The following KAT2A variants were observed in gnomAD, a reference collection of about 807,000 sequenced individuals.
The protein encoded by KAT2A is lysine acetyltransferase 2A, also known as histone acetyltransferase KAT2A.
Under a neutral mutation model 95.2 loss-of-function variants are expected in KAT2A, and 42 were observed. The observed-to-expected ratio is 0.44, with a 90% CI of 0.34 to 0.57. KAT2A has a LOEUF of 0.57. KAT2A is among the 20% of genes least tolerant of loss of function. The probability of loss-of-function intolerance (pLI) is 0.01; values close to 1 mark genes in which losing one functional copy is unlikely to be tolerated. For synonymous variants in KAT2A, 449 were observed against 448.2 expected (o/e 1.00, Z -0.02); for missense variants, 784 against 1,126.3 (o/e 0.70, Z 4.35).
chr17:42,114,785 T>TCA lies in KAT2A; in HGVS notation c.2019+105_2019+106dup. On this transcript the variant is annotated intron_variant, in intron 13 of 17. Transcript: ENST00000225916. This position sits in a 1 kb window ranked among gnomAD's most constrained non-coding sequence, Gnocchi z 6.0. ...AAGATCCTGGCCTGCCCCTCCTCAC[T>TCA]CACACACATATATGCATGTAGACGT... The TCA allele has an allele frequency of 1.5e-6, 2 of 1,306,958 alleles. No individual in the cohort carries two copies. Among genetic ancestry groups the TCA allele is most frequent in the Non-Finnish European group, 1.1e-6 (1 of 918,050 alleles). 81.0% of individuals were successfully genotyped at this position (1,306,958 alleles called of 1,614,324 possible).
chr17:42,118,049 G>T (rs1300145823), intron 7 of KAT2A, 32 bp from the exon 8 acceptor site: 2 of 1,342,324 alleles, frequency 1.5e-6, no homozygotes, highest in African/African-American at 1.6e-5. Flanking sequence ...AGGGATGGGG[G>T]GCTGAAGCTG....
At chr17:42,115,344 C>G (rs2054241356) in intron 12 of KAT2A, among the ~76,000 whole-genome samples, 1 of 124,602 alleles carries the variant, frequency 8.0e-6, no homozygotes, top group Non-Finnish European at 1.7e-5. Flanking sequence ...GTTCCTCCAG[C>G]CTGCTCTTGG....
intron 11 of KAT2A, 74 bp downstream of exon 11, chr17:42,116,961 T>A: frequency 1.3e-6 from 2 of 1,568,724 alleles, no homozygotes; most frequent in Admixed American, 1.7e-5. Flanking sequence ...ATGCCACACA[T>A]CCTGCTGCTC....
rs2144035403 is a variant in KAT2A, at chr17:42,117,131, A to G, written c.1668T>C (p.Asp556=). Reference sequence around the variant, plus strand: ...AGCAGATGCCACCGATGACCCGCCCATCCTTGATCAAGGCCAGAGTCTTGT... The same window carrying G: ...AGCAGATGCCACCGATGACCCGCCCGTCCTTGATCAAGGCCAGAGTCTTGT... The part of the protein sequence containing the change: ...PKHKTLALIK[D]GRVIGGICFR... Residue 556 remains aspartate, a synonymous_variant, in exon 11 of 18, where the codon GAT becomes GAC. Transcript: ENST00000225916. This position sits in a 1 kb window ranked among gnomAD's most constrained non-coding sequence, Gnocchi z 8.9. 6.2e-7 allele frequency: 1 copy of G among 1,614,102 alleles called. No individual in the cohort carries two copies. Among genetic ancestry groups the G allele is most frequent in the Non-Finnish European group, 8.5e-7 (1 of 1,180,034 alleles).
Position 42,117,304 on chromosome 17 carries a change from T to C in KAT2A, c.1637+84A>G. The C allele has an allele frequency of 1.3e-6, 2 of 1,557,422 alleles. No individual in the cohort carries two copies. Among genetic ancestry groups the C allele is most frequent in the South Asian group, 2.3e-5 (2 of 88,762 alleles). ...AACCTCAGAAGTGGGGAGCAGGGGA[T>C]CCCCAATTTTGAGGAGTGAAGAGGC... On this transcript the variant is annotated intron_variant, in intron 10 of 17. Coordinates refer to ENST00000225916, the MANE Select transcript of KAT2A (RefSeq NM_021078.3). The surrounding 1 kb of genome is among the most constrained non-coding windows in gnomAD (Gnocchi z 8.9).
rs139448423 is a variant in KAT2A, at chr17:42,120,803, G to A, written c.366C>T (p.Gly122=). The change falls in exon 2 of 18, where the codon GGC becomes GGT. Residue 122 remains glycine, a synonymous_variant. Coordinates refer to ENST00000225916, the MANE Select transcript of KAT2A (RefSeq NM_021078.3). ...CKANETCKCN[G]WKNPKPPTAP... ...CAGTGGGGGGCTTGGGGTTTTTCCA[G>A]CCATTACACTTACAGGTTTCATTGG... The A allele has an allele frequency of 1.7e-5, 27 of 1,613,288 alleles. No individual in the cohort carries two copies. Among genetic ancestry groups the A allele is most frequent in the East Asian group, 4.5e-5 (2 of 44,874 alleles).
In KAT2A at chr17:42,117,994, GA is replaced by G; in HGVS notation, c.1203del (p.Ser403AlafsTer17). 1 of 1,604,446 alleles carries G rather than the reference GA, an allele frequency of 6.2e-7. No individual in the cohort carries two copies. Among genetic ancestry groups the G allele is most frequent in the Non-Finnish European group, 8.5e-7 (1 of 1,174,594 alleles). ...PRPASVSAAV[V>X]PSTPIFSPSM... ...CTGGGGCTGAAGATGGGGGTGCTGG[GA>G]ACAACCGCTGCACTGACTGAAGCTG... On this transcript the variant is annotated frameshift_variant, in exon 8 of 18. Transcript: ENST00000225916. LOFTEE classifies it high-confidence loss of function. This position sits in a 1 kb window ranked among gnomAD's most constrained non-coding sequence, Gnocchi z 8.9.
At position 42,113,524 on chromosome 17, in the gene KAT2A, C is replaced by T. The variant is rs907050915; in HGVS notation, c.*125G>A. 12 of 877,558 alleles carry T rather than the reference C, an allele frequency of 1.4e-5. No individual in the cohort carries two copies. Among genetic ancestry groups the T allele is most frequent in the Non-Finnish European group, 1.9e-5 (11 of 576,592 alleles). The allele number at this position is 877,558 out of a possible 1,614,324, so 54.4% of individuals were successfully genotyped here. On this transcript the variant is annotated 3_prime_UTR_variant, in exon 18 of 18. Transcript: ENST00000225916. ...CCAGAAAGAGCTGCAGGATCGGGTC[C>T]GGAGGACCCTTGGCTGGAGTGTCTC...
Position 42,118,277 on chromosome 17 carries a change from G to A in KAT2A, c.1180+20C>T, listed in dbSNP as rs1287174553. The stretch of plus-strand genomic sequence containing the variant: ...AGCCAGGCAGGCCAGACACCCTACA[G>A]AGCGTACCATGGCACATACCTGGCC... On this transcript the variant is annotated intron_variant, in intron 7 of 17. Transcript: ENST00000225916. 2.6e-6 allele frequency: 4 copies of A among 1,552,996 alleles called. No homozygotes were observed. Among genetic ancestry groups the A allele is most frequent in the African/African-American group, 2.7e-5 (2 of 73,624 alleles).
At chr17:42,116,264 C>G (rs1042813040) in intron 11 of KAT2A, among the ~76,000 whole-genome samples, 9 of 152,160 alleles carry the variant, frequency 5.9e-5, no homozygotes, top group African/African-American at 2.2e-4. Context: ...GAGGGAGTCA[C>G]CAGAGGTCTG....
Position 42,121,073 on chromosome 17 carries a change from G to A in KAT2A, c.232C>T (p.Arg78Ter). ...GGAGSGGDPA[R>*]PGLSQQQRAS... ...CGCTGCTGCTGGCTCAGGCCAGGTC[G>A]AGCCGGATCCCCCCCGCTCCCGGCC... Residue 78 changes from arginine to a stop codon, truncating the protein, a stop_gained, in exon 1 of 18, where the codon CGA becomes TGA. Transcript: ENST00000225916. LOFTEE classifies it high-confidence loss of function. 1.3e-6 allele frequency: 2 copies of A among 1,568,730 alleles called. No individual in the cohort carries two copies. The highest frequency in any genetic ancestry group is 2.3e-5 in the East Asian group (1 of 42,844).
At position 42,121,339 on chromosome 17, in the gene KAT2A, C is replaced by G. The variant is rs2054338398; in HGVS notation, c.-35G>C. 6 of 1,364,422 alleles carry G rather than the reference C, an allele frequency of 4.4e-6. No homozygotes were observed. Among genetic ancestry groups the G allele is most frequent in the Non-Finnish European group, 5.6e-6 (6 of 1,066,038 alleles). 84.5% of individuals were successfully genotyped at this position (1,364,422 alleles called of 1,614,324 possible). A position where few individuals can be genotyped will look rare whatever the true frequency, so the allele number is the denominator to read the frequency against. ...CGCAGCGGAGAGCGGCGCCGCGCTC[C>G]CAGCCCTAGGGCCGCATGGGCAACC... On this transcript the variant is annotated 5_prime_UTR_variant, in exon 1 of 18. Transcript: ENST00000225916.
chr17:42,119,337 G>A lies in KAT2A; in HGVS notation c.981C>T (p.Thr327=), dbSNP rs141042615. The A allele has an allele frequency of 1.6e-4, 261 of 1,614,086 alleles. No individual in the cohort carries two copies. In the East Asian group the frequency reaches 2.4e-3, roughly 15 times the overall value. Residue 327 remains threonine, a synonymous_variant, in exon 6 of 18, where the codon ACC becomes ACT. Transcript: ENST00000225916. This position sits in a 1 kb window ranked among gnomAD's most constrained non-coding sequence, Gnocchi z 5.3. ...FGRSLLRSIF[T]VTRRQLLEKF... is the part of the protein sequence containing the mutation. ...TTTCCAGCAGCTGCCGGCGGGTAAC[G>A]GTGAAAATGGACCGGAGAAGGCTTC... is the stretch of plus-strand genomic sequence containing the variant.
At position 42,121,314 on chromosome 17, in the gene KAT2A, C is replaced by T. The variant is rs575284698; in HGVS notation, c.-10G>A. On this transcript the variant is annotated 5_prime_UTR_variant, in exon 1 of 18. Coordinates refer to ENST00000225916, the MANE Select transcript of KAT2A (RefSeq NM_021078.3). ...GGGAAGGTTCCGCCATGGCCTCCCCCGCAGCGGAGAGCGGCGCCGCGCTCC... is the reference window on the plus strand; with the variant it reads ...GGGAAGGTTCCGCCATGGCCTCCCCTGCAGCGGAGAGCGGCGCCGCGCTCC... 35 of 1,365,208 alleles carry T rather than the reference C, an allele frequency of 2.6e-5. No homozygotes were observed. The Admixed American group carries it at 1.2e-3, about 46-fold the overall frequency. The allele number at this position is 1,365,208 out of a possible 1,614,324, so 84.6% of individuals were successfully genotyped here.
Position 42,114,250 on chromosome 17 carries a change from G to C in KAT2A, c.2204C>G (p.Thr735Arg), listed in dbSNP as rs373456820. 4 of 1,607,676 alleles carry C rather than the reference G, an allele frequency of 2.5e-6. No individual in the cohort carries two copies. The African/African-American group carries it at 5.4e-5, about 22-fold the overall frequency. Reference protein sequence around the residue: ...KELKDPDQLYTTLKNLLAQIK... With the variant: ...KELKDPDQLYRTLKNLLAQIK... ...TTGGGCCAGCAGGTTTTTGAGGGTT[G>C]TGTAGAGCTGGTCGGGGTCCTTCAG... The change falls in exon 16 of 18, where the codon ACA becomes AGA. Residue 735 changes from threonine to arginine, a missense_variant. Coordinates refer to ENST00000225916, the MANE Select transcript of KAT2A (RefSeq NM_021078.3). This position sits in a 1 kb window ranked among gnomAD's most constrained non-coding sequence, Gnocchi z 6.0.
rs368989839 is a variant in KAT2A at position 42,117,760 on chromosome 17, C to T, written c.1346G>A (p.Arg449His). 8.7e-6 allele frequency: 14 copies of T among 1,613,852 alleles called. No individual in the cohort carries two copies. Among genetic ancestry groups the T allele is most frequent in the South Asian group, 2.2e-5 (2 of 91,080 alleles). Reference protein sequence around the residue: ...NLTLEDAKRLRVMGDIPMELV... With the variant: ...NLTLEDAKRLHVMGDIPMELV... Reference sequence around the variant, plus strand: ...CTCCATGGGGATGTCACCCATCACACGGAGCCGCTTGGCATCCTCCAGGGT... The same window carrying T: ...CTCCATGGGGATGTCACCCATCACATGGAGCCGCTTGGCATCCTCCAGGGT... The change falls in exon 9 of 18, where the codon CGT becomes CAT. Residue 449 changes from arginine to histidine, a missense_variant. Coordinates refer to ENST00000225916, the MANE Select transcript of KAT2A (RefSeq NM_021078.3). The surrounding 1 kb of genome is among the most constrained non-coding windows in gnomAD (Gnocchi z 8.9).
chr17:42,115,932 G>A lies in KAT2A; in HGVS notation c.1765-99C>T, dbSNP rs540291387. 63 of 773,274 alleles carry A rather than the reference G, an allele frequency of 8.1e-5. No individual in the cohort carries two copies. The African/African-American group carries it at 9.7e-4, about 12-fold the overall frequency. 47.9% of individuals were successfully genotyped at this position (773,274 alleles called of 1,614,324 possible). On this transcript the variant is annotated intron_variant, in intron 11 of 17. Coordinates refer to ENST00000225916, the MANE Select transcript of KAT2A (RefSeq NM_021078.3). ...GAAGAGCGGGTAGATTGGAAAGGAG[G>A]TAGAGAGAGCGAGAGCATCCAGGCA...
intron 1 of KAT2A, 46 bp downstream of exon 1, chr17:42,120,920 T>G (rs1241299582): frequency 1.6e-5 from 25 of 1,555,114 alleles, no homozygotes; most frequent in Non-Finnish European, 2.1e-5. Flanking sequence ...ACCAGAGCCC[T>G]GGGATGCCCC....
At position 42,120,041 on chromosome 17, in the gene KAT2A, T is replaced by C; in HGVS notation, c.688A>G (p.Asn230Asp). ...SLGSPPFEKP[N>D]IEQGVLNFVQ... ...TTCCCCTATCTCACCTGCTCAATATTAGGTTTCTCAAATGGAGGGCTGCCC... is the reference window on the plus strand; with the variant it reads ...TTCCCCTATCTCACCTGCTCAATATCAGGTTTCTCAAATGGAGGGCTGCCC... The change falls in exon 4 of 18, where the codon AAT becomes GAT. Residue 230 changes from asparagine to aspartate, a missense_variant. Asn to Asp is a conservative substitution (Grantham distance 23). Coordinates refer to ENST00000225916, the MANE Select transcript of KAT2A (RefSeq NM_021078.3). The C allele has an allele frequency of 6.2e-7, 1 of 1,613,708 alleles. No individual in the cohort carries two copies. Among genetic ancestry groups the C allele is most frequent in the Non-Finnish European group, 8.5e-7 (1 of 1,179,726 alleles).
Sources: allele counts gnomAD v4.1 joint callset (sites outside exome capture counted in the v4.1 genomes callset), GRCh38; gene constraint gnomAD v4.1.1; non-coding constraint Gnocchi (gnomAD v3.1); transcripts MANE v1.5; gene names NCBI Gene and HGNC (gene_info 2026-07-23, HGNC 2026-07-21).